Variants in SGSM1 observed in about 807,000 individuals in gnomAD.
SGSM1 encodes RUN and TBC1 domain containing 2.
SGSM1 carries 73 observed loss-of-function variants against 133.8 expected under a neutral mutation model. The ratio of observed to expected loss-of-function variants is 0.55; its 90% CI spans 0.45 to 0.66. The LOEUF (loss-of-function observed/expected upper bound fraction) is 0.66. Ranked by LOEUF, SGSM1 falls within the 30% of genes least tolerant of loss-of-function variation. SGSM1 has a pLI of 0.00. For missense variants in SGSM1, 1,213 were observed against 1,448.1 expected (o/e 0.84, Z 2.64); for synonymous variants, 563 against 573.0 (o/e 0.98, Z 0.25).
chr22:24,823,339 G>C (rs144312742), intron 2 of SGSM1, among the ~76,000 whole-genome samples: 2 of 152,030 alleles, frequency 1.3e-5, no homozygotes, highest in Non-Finnish European at 2.9e-5. Flanking sequence ...GCGGTGGCTC[G>C]CACCTGTAAT....
intron 13 of SGSM1, 90 bp downstream of exon 13, chr22:24,876,805 A>C: frequency 6.5e-7 from 1 of 1,546,370 alleles, no homozygotes; most frequent in Non-Finnish European, 8.8e-7. Context: ...CTGAATTCAG[A>C]GTGAGCATAA....
chr22:24,889,457 T>G (rs1237175616), intron 16 of SGSM1, among the ~76,000 whole-genome samples: 1 of 150,906 alleles, frequency 6.6e-6, no homozygotes, highest in Non-Finnish European at 1.5e-5. Flanking sequence ...TTGCCCAGGC[T>G]GCAGTGCAGT....
At chr22:24,919,713 G>C (rs906781489) in intron 23 of SGSM1, 113 bp from the exon 24 acceptor site, 1 of 1,196,282 alleles carries the variant, frequency 8.4e-7, no homozygotes, top group Non-Finnish European at 1.2e-6. Context: ...CAGGGCACAG[G>C]CATAAGGCAA....
intron 16 of SGSM1, 35 bp from the exon 17 acceptor site, chr22:24,893,396 T>C: frequency 6.2e-7 from 1 of 1,608,506 alleles, no homozygotes. Flanking sequence ...GCCCCTTTGT[T>C]GACACCTCGG....
At chr22:24,922,897 G>A (rs1934064202) in intron 24 of SGSM1, among the ~76,000 whole-genome samples, 2 of 152,216 alleles carry the variant, frequency 1.3e-5, no homozygotes. Context: ...GCAGGCCAAG[G>A]TGGGTGGATT....
chr22:24,912,608 G>A, intron 21 of SGSM1, 35 bp from the exon 22 acceptor site: 2 of 1,401,752 alleles, frequency 1.4e-6, no homozygotes, highest in African/African-American at 1.4e-5. Flanking sequence ...CACTTGGGCA[G>A]CGGGGCATCT....
chr22:24,879,337 C>T, intron 13 of SGSM1, 125 bp from the exon 14 acceptor site: 4 of 818,470 alleles, frequency 4.9e-6, no homozygotes, highest in Non-Finnish European at 7.9e-6. Flanking sequence ...AGCAGCCCTC[C>T]CTACAGTCTC....
chr22:24,900,341 T>TTCTC (rs1933090900), intron 19 of SGSM1, among the ~76,000 whole-genome samples: 1 of 11,362 alleles, frequency 8.8e-5, no homozygotes, highest in African/African-American at 3.7e-4. Flanking sequence ...TGTTAACCTC[T>TTCTC]TCTTTCTTTC....
chr22:24,893,564 A>T lies in SGSM1; in HGVS notation c.1904A>T (p.Asp635Val). The part of the protein sequence containing the change: ...LAKCSSGASL[D>V]SHLHRMLHRD... ...AAATGCTCATCCGGGGCCAGCTTGG[A>T]CAGCCACCTGCACCGGATGTTGCAC... Residue 635 changes from aspartate (D) to valine (V), a missense_variant, in exon 17 of 25, where the codon GAC becomes GTC. Transcript: ENST00000400358. 6.2e-7 allele frequency: 1 copy of T among 1,600,306 alleles called. No homozygotes were observed. Among genetic ancestry groups the T allele is most frequent in the South Asian group, 1.1e-5 (1 of 88,210 alleles).
At chr22:24,835,792 G>A (rs760762967) in intron 2 of SGSM1, among the ~76,000 whole-genome samples, 11 of 152,048 alleles carry the variant, frequency 7.2e-5, no homozygotes, top group Non-Finnish European at 1.5e-4. Context: ...CAGCAGAGGG[G>A]CCTCCTTGTG....
At chr22:24,856,951 G>A (rs1360412836) in intron 8 of SGSM1, among the ~76,000 whole-genome samples, 1 of 151,630 alleles carries the variant, frequency 6.6e-6, no homozygotes, top group Admixed American at 6.6e-5. Flanking sequence ...TGTATTTTTA[G>A]TAGAGATGGG....
At chr22:24,899,521 T>C (rs1933045904) in intron 19 of SGSM1, among the ~76,000 whole-genome samples, 1 of 59,268 alleles carries the variant, frequency 1.7e-5, no homozygotes, top group Non-Finnish European at 3.1e-5. Context: ...TTCTTTTCTT[T>C]TTTTTTTTTT....
At chr22:24,897,072 G>C (rs1932933492) in intron 18 of SGSM1, among the ~76,000 whole-genome samples, 1 of 151,900 alleles carries the variant, frequency 6.6e-6, no homozygotes, top group African/African-American at 2.4e-5. Flanking sequence ...TGATTCCCTA[G>C]TACCCCCTTC....
At chr22:24,884,006 G>A in intron 14 of SGSM1, 47 bp from the exon 15 acceptor site, 1 of 1,528,672 alleles carries the variant, frequency 6.5e-7, no homozygotes, top group Non-Finnish European at 8.8e-7. Context: ...ACAAGGTGAG[G>A]GGCTTCAGGT....
chr22:24,853,769 ATTTTT>A (rs57736929), intron 5 of SGSM1, among the ~76,000 whole-genome samples: 4 of 123,448 alleles, frequency 3.2e-5, no homozygotes, highest in African/African-American at 1.0e-4. Flanking sequence ...CGCCTGGTGA[ATTTTT>A]TTTTTTTTTT....
intron 4 of SGSM1, among the ~76,000 whole-genome samples, chr22:24,849,918 G>A (rs1225956133): frequency 6.6e-6 from 1 of 152,178 alleles, no homozygotes; most frequent in Non-Finnish European, 1.5e-5. Context: ...ACAAGGTCTT[G>A]GAGCTCTCTG....
At chr22:24,863,080 C>A (rs187980603) in intron 9 of SGSM1, among the ~76,000 whole-genome samples, 50 of 152,322 alleles carry the variant, frequency 3.3e-4, no homozygotes, top group African/African-American at 1.2e-3. Flanking sequence ...CCCGCCCCAG[C>A]GCAGATAATC....
At chr22:24,824,549 T>C (rs1257011071) in intron 2 of SGSM1, among the ~76,000 whole-genome samples, 1 of 152,006 alleles carries the variant, frequency 6.6e-6, no homozygotes, top group Admixed American at 6.6e-5. Flanking sequence ...CTCACCCTAA[T>C]AGATTTAAAA....
intron 2 of SGSM1, chr22:24,814,215 C>G (rs1927924869): frequency 6.6e-6 from 1 of 151,970 alleles, no homozygotes; most frequent in Non-Finnish European, 1.5e-5. Context: ...GCCTTCAGTT[C>G]ACTCAAGGAA....
Sources: allele counts gnomAD v4.1 joint callset (sites outside exome capture counted in the v4.1 genomes callset), GRCh38; gene constraint gnomAD v4.1.1; transcripts MANE v1.5; gene names NCBI Gene and HGNC (gene_info 2026-07-23, HGNC 2026-07-21).